The following BTG4 variants were observed in gnomAD, a reference collection of about 807,000 sequenced individuals.
BTG4 encodes the protein protein BTG4.
Under a neutral mutation model 19.3 loss-of-function variants are expected in BTG4, and 10 were observed. The observed-to-expected ratio is 0.52, with a 90% CI of 0.32 to 0.88. BTG4 has a LOEUF of 0.88. BTG4 is among the 40% of genes least tolerant of loss of function. The pLI is 0.04. For synonymous variants in BTG4, 91 were observed against 95.7 expected, an observed-to-expected ratio of 0.95 and a Z score of 0.29; for missense variants, 238 against 281.9, an observed-to-expected ratio of 0.84 and a Z score of 1.11.
chr11:111,420,738 A>G, the BTG4 span, among the ~76,000 whole-genome samples: 1 of 152,228 alleles, frequency 6.6e-6, no homozygotes, highest in Non-Finnish European at 1.5e-5. Flanking sequence ...CATTCAACAC[A>G]TTTTTATTGA....
the BTG4 span, among the ~76,000 whole-genome samples, chr11:111,425,046 C>G: frequency 0.014 from 2,202 of 152,254 alleles, 31 homozygotes; most frequent in Non-Finnish European, 0.02. Context: ...AGCGGATGAG[C>G]AGGTCCTTCT....
At chr11:111,472,580 CCTT>C (rs1461071877) in intron 5 of BTG4, among the ~76,000 whole-genome samples, 1 of 152,186 alleles carries the variant, frequency 6.6e-6, no homozygotes, top group Non-Finnish European at 1.5e-5. Context: ...TCCCTTACCT[CCTT>C]CTTATCTTGG....
downstream of BTG4, among the ~76,000 whole-genome samples, chr11:111,492,013 T>TA (rs964601005): frequency 1.3e-5 from 2 of 152,184 alleles, no homozygotes; most frequent in Non-Finnish European, 2.9e-5. Context: ...CATATGCTCA[T>TA]GGATGGCTGC....
At chr11:111,429,162 T>A in the BTG4 span, among the ~76,000 whole-genome samples, 1 of 152,284 alleles carries the variant, frequency 6.6e-6, no homozygotes, top group Non-Finnish European at 1.5e-5. Context: ...CCGGGACATT[T>A]CAAAATACCC....
downstream of BTG4, among the ~76,000 whole-genome samples, chr11:111,494,179 A>G (rs1046396997): frequency 6.6e-6 from 1 of 152,120 alleles, no homozygotes; most frequent in African/African-American, 2.4e-5. Context: ...GAAGTAGGAG[A>G]AAACAAAAAG....
chr11:111,499,438 T>C (rs1865934539), intron 1 of BTG4, among the ~76,000 whole-genome samples: 1 of 152,228 alleles, frequency 6.6e-6, no homozygotes, highest in Admixed American at 6.5e-5. Flanking sequence ...AGCTTTTTCA[T>C]ATGCCAATCT....
the BTG4 span, chr11:111,401,099 C>T: frequency 7.3e-6 from 1 of 136,612 alleles, no homozygotes; most frequent in Non-Finnish European, 1.6e-5. Context: ...ATTGGTGAAT[C>T]CAAATAAAGT....
chr11:111,468,706 G>A (rs1863876410), intron 5 of BTG4, among the ~76,000 whole-genome samples: 1 of 152,216 alleles, frequency 6.6e-6, no homozygotes, highest in Non-Finnish European at 1.5e-5. Flanking sequence ...GATGAAGAAA[G>A]CCTTGAGAGC....
At chr11:111,454,922 G>A in the BTG4 span, 1 of 445,624 alleles carries the variant, frequency 2.2e-6, no homozygotes, top group Non-Finnish European at 4.6e-6. Context: ...GGTGGCTCCG[G>A]GAACAGAGTT....
chr11:111,391,199 C>T, the BTG4 span, among the ~76,000 whole-genome samples: 1 of 152,176 alleles, frequency 6.6e-6, no homozygotes, highest in African/African-American at 2.4e-5. Context: ...ATGTTAACGG[C>T]AGTCATCAAG....
At chr11:111,476,312 T>C (rs1254551972) in intron 5 of BTG4, among the ~76,000 whole-genome samples, 1 of 152,154 alleles carries the variant, frequency 6.6e-6, no homozygotes, top group Non-Finnish European at 1.5e-5. Context: ...GTATTCAACA[T>C]TTTTAGCTCT....
chr11:111,486,689 T>C (rs533508148), intron 5 of BTG4, among the ~76,000 whole-genome samples: 23 of 152,314 alleles, frequency 1.5e-4, no homozygotes, highest in Middle Eastern at 6.8e-3. Flanking sequence ...GTATTCATCA[T>C]GATCATGATC....
chr11:111,453,103 A>G, the BTG4 span, among the ~76,000 whole-genome samples: 1 of 152,206 alleles, frequency 6.6e-6, no homozygotes, highest in Non-Finnish European at 1.5e-5. Context: ...GAGGGAGACT[A>G]AAATGGGATG....
chr11:111,425,855 C>T, the BTG4 span, among the ~76,000 whole-genome samples: 139,964 of 152,146 alleles, frequency 0.92, 64,748 homozygotes, highest in East Asian at 1. Flanking sequence ...AACATAGTGA[C>T]ACCCCATCTC....
intron 5 of BTG4, among the ~76,000 whole-genome samples, chr11:111,489,426 C>T (rs562337211): frequency 2.6e-5 from 4 of 152,202 alleles, no homozygotes; most frequent in South Asian, 2.1e-4. Flanking sequence ...GCAATCCCAC[C>T]GCTAGATACA....
chr11:111,397,474 C>G, the BTG4 span: 1 of 152,288 alleles, frequency 6.6e-6, no homozygotes, highest in African/African-American at 2.4e-5. Flanking sequence ...CAGCGCTTCT[C>G]TCTGTCTAGA....
the BTG4 span, among the ~76,000 whole-genome samples, chr11:111,394,557 A>G: frequency 6.6e-6 from 1 of 151,888 alleles, no homozygotes; most frequent in Non-Finnish European, 1.5e-5. Flanking sequence ...AGTCCATTAA[A>G]CCTCTTTTTC....
intron 1 of BTG4, among the ~76,000 whole-genome samples, chr11:111,510,525 G>T (rs1866814894): frequency 6.6e-6 from 1 of 152,046 alleles, no homozygotes; most frequent in South Asian, 2.1e-4. Flanking sequence ...TTAAATCATG[G>T]GTCTCCCTGG....
At chr11:111,410,952 A>T in the BTG4 span, among the ~76,000 whole-genome samples, 1 of 152,216 alleles carries the variant, frequency 6.6e-6, no homozygotes, top group East Asian at 1.9e-4. Flanking sequence ...TTACCTTCAA[A>T]ATATGTCTAA....
Sources: allele counts gnomAD v4.1 joint callset (sites outside exome capture counted in the v4.1 genomes callset), GRCh38; gene constraint gnomAD v4.1.1; transcripts MANE v1.5; gene names NCBI Gene and HGNC (gene_info 2026-07-23, HGNC 2026-07-21).